The following DNAAF1 variants were observed in gnomAD, a reference collection of about 807,000 sequenced individuals.
The protein encoded by DNAAF1 is dynein assembly factor 1, axonemal.
Under a neutral mutation model 71.1 loss-of-function variants are expected in DNAAF1, and 65 were observed. The ratio of observed to expected loss-of-function variants is 0.91; its 90% CI spans 0.75 to 1.12. The LOEUF is 1.12. DNAAF1 is among the 50% of genes most tolerant of loss of function. DNAAF1 has a pLI of 0.00. For missense variants in DNAAF1, 1,178 were observed against 899.8 expected (o/e 1.31, Z -3.96); for synonymous variants, 414 against 354.6 (o/e 1.17, Z -1.88).
rs2087424052 is a variant in DNAAF1, at chr16:84,156,288, AC to A, written c.741+541del. ...ACCACTCAATTAATTTTTCAAGGAA[AC>A]CAGGTCCTCTGTCTGGTGTTACCCA... On this transcript the variant is annotated intron_variant, in intron 5 of 11. Transcript: ENST00000378553. 3.3e-5 allele frequency among the ~76,000 whole-genome samples: 5 copies of A among 152,312 alleles called. No homozygotes were observed. In the South Asian group the frequency reaches 1.0e-3, roughly 32 times the overall value.
chr16:84,154,834 A>T (rs1384229559), intron 4 of DNAAF1, 36 bp downstream of exon 4: 2 of 1,504,412 alleles, frequency 1.3e-6, no homozygotes, highest in East Asian at 4.5e-5. Flanking sequence ...TCTGTTTGCC[A>T]TATGTCCATC....
intron 9 of DNAAF1, 191 bp downstream of exon 9, chr16:84,172,566 A>C: frequency 7.0e-7 from 1 of 1,420,172 alleles, no homozygotes; most frequent in Non-Finnish European, 9.2e-7. Context: ...TTAGAATCCA[A>C]CTTTCATGCA....
chr16:84,165,638 A>C, intron 6 of DNAAF1, 145 bp from the exon 7 acceptor site: 1 of 806,890 alleles, frequency 1.2e-6, no homozygotes, highest in South Asian at 1.5e-5. Flanking sequence ...CTTAAATAAT[A>C]AAATTTACAT....
chr16:84,169,899 C>A lies in DNAAF1; in HGVS notation c.1071C>A (p.Ala357=). Reference sequence around the variant, plus strand: ...CAGATGATGGTGAGAATGTGCCCGCCAGTGCGGAAGGCAAGGAGGAGCCTC... The same window carrying A: ...CAGATGATGGTGAGAATGTGCCCGCAAGTGCGGAAGGCAAGGAGGAGCCTC... ...TSSDDGENVP[A]SAEGKEEPPG... Residue 357 remains alanine (A), a synonymous_variant, in exon 8 of 12, where the codon GCC becomes GCA. Coordinates refer to ENST00000378553, the MANE Select transcript of DNAAF1 (RefSeq NM_178452.6). 1 of 1,614,108 alleles carries A rather than the reference C, an allele frequency of 6.2e-7. No individual in the cohort carries two copies. Among genetic ancestry groups the A allele is most frequent in the Non-Finnish European group, 8.5e-7 (1 of 1,180,050 alleles).
chr16:84,175,733 G>A (rs755320590), intron 10 of DNAAF1, 200 bp from the exon 11 acceptor site: 26 of 631,324 alleles, frequency 4.1e-5, no homozygotes, highest in Non-Finnish European at 6.1e-5. Context: ...CAGAGAGAAG[G>A]GCATAGACAT....
chr16:84,172,507 G>A (rs1426028373), intron 9 of DNAAF1, 132 bp downstream of exon 9: 8 of 1,507,560 alleles, frequency 5.3e-6, no homozygotes, highest in Non-Finnish European at 7.1e-6. Flanking sequence ...GCATTTCTGG[G>A]GCGCTGGTTA....
chr16:84,159,510 T>C (rs1006622256), intron 5 of DNAAF1, among the ~76,000 whole-genome samples, 165 bp from the exon 6 acceptor site: 1 of 152,318 alleles, frequency 6.6e-6, no homozygotes, highest in East Asian at 1.9e-4. Flanking sequence ...GTGAGAGCAA[T>C]GGAAACCTTC....
At position 84,145,498 on chromosome 16, in the gene DNAAF1, C is replaced by G; in HGVS notation, c.58C>G (p.Gln20Glu). 1 of 1,567,426 alleles carries G rather than the reference C, an allele frequency of 6.4e-7. No individual in the cohort carries two copies. The highest frequency in any genetic ancestry group is 8.7e-7 in the Non-Finnish European group (1 of 1,155,944). ...TGGTGCAGCAGAGCTGGATTGCGCG[C>G]AGGAGCCCGGCGTGGAGGAGTCTGC... is the stretch of plus-strand genomic sequence containing the variant. ...TGGAAELDCA[Q>E]EPGVEESAGD... Residue 20 changes from glutamine to glutamate, a missense_variant, in exon 1 of 12, where the codon CAG becomes GAG. By Grantham distance (29) the Gln-to-Glu change is conservative (BLOSUM62 2). Transcript: ENST00000378553.
At chr16:84,160,954 G>C (rs926349117) in intron 6 of DNAAF1, among the ~76,000 whole-genome samples, 14 of 147,750 alleles carry the variant, frequency 9.5e-5, no homozygotes, top group Non-Finnish European at 1.7e-4. Flanking sequence ...AAAAAAAAAA[G>C]AAAACCAGAA....
At chr16:84,160,792 G>C (rs567401021) in intron 6 of DNAAF1, among the ~76,000 whole-genome samples, 1 of 151,418 alleles carries the variant, frequency 6.6e-6, no homozygotes, top group Non-Finnish European at 1.5e-5. Flanking sequence ...AAAATTAGCC[G>C]GGCGTGGTGG....
chr16:84,150,087 G>C (rs1375278968), intron 2 of DNAAF1, among the ~76,000 whole-genome samples, 164 bp from the exon 3 acceptor site: 2 of 151,944 alleles, frequency 1.3e-5, no homozygotes, highest in Non-Finnish European at 2.9e-5. Flanking sequence ...AAAAGAAGAA[G>C]AAAAAGGAAA....
At chr16:84,156,885 C>T (rs1302471335) in intron 5 of DNAAF1, among the ~76,000 whole-genome samples, 1 of 118,926 alleles carries the variant, frequency 8.4e-6, no homozygotes, top group Admixed American at 1.0e-4. Flanking sequence ...CAGGGTCTTG[C>T]TCTGTCACCC....
At chr16:84,158,465 T>G (rs1250021406) in intron 5 of DNAAF1, among the ~76,000 whole-genome samples, 3 of 152,204 alleles carry the variant, frequency 2.0e-5, no homozygotes, top group Admixed American at 2.0e-4. Context: ...TCATCGTGGT[T>G]TTAAAAGTCT....
At chr16:84,154,851 C>A in intron 4 of DNAAF1, 53 bp downstream of exon 4, 1 of 1,389,500 alleles carries the variant, frequency 7.2e-7, no homozygotes, top group Non-Finnish European at 1.0e-6. Context: ...CATCACCTTC[C>A]CCTGAGGGAT....
intron 10 of DNAAF1, 174 bp from the exon 11 acceptor site, chr16:84,175,759 A>G: frequency 1.4e-6 from 1 of 738,030 alleles, no homozygotes. Context: ...GTGCCCAGGG[A>G]GTGGCCACCC....
At chr16:84,167,859 T>G (rs2088107492) in intron 7 of DNAAF1, among the ~76,000 whole-genome samples, 1 of 151,514 alleles carries the variant, frequency 6.6e-6, no homozygotes, top group Non-Finnish European at 1.5e-5. Flanking sequence ...CTACTAAAAA[T>G]AGAAAAAATT....
At chr16:84,163,298 G>T (rs1317168309) in intron 6 of DNAAF1, among the ~76,000 whole-genome samples, 2 of 151,698 alleles carry the variant, frequency 1.3e-5, no homozygotes, top group Non-Finnish European at 2.9e-5. Flanking sequence ...ATCCCCATCA[G>T]CAGTGTAGGA....
chr16:84,149,101 C>A lies in DNAAF1; in HGVS notation c.219C>A (p.His73Gln). The A allele has an allele frequency of 6.2e-7, 1 of 1,614,106 alleles. No homozygotes were observed. Among genetic ancestry groups the A allele is most frequent in the Non-Finnish European group, 8.5e-7 (1 of 1,180,038 alleles). The change falls in exon 2 of 12, where the codon CAC becomes CAA. Residue 73 changes from histidine (H) to glutamine (Q), a missense_variant. Physicochemically the swap from His to Gln is conservative, Grantham distance 24. Transcript: ENST00000378553. ...GTGGTGATAATGGGTCAGGTGGTCA[C>A]TTCGCACACCCAAGAGAAGACAGGG... ...KQSGDNGSGG[H>Q]FAHPREDRED...
intron 10 of DNAAF1, chr16:84,175,651 C>T (rs1185852672): frequency 6.4e-6 from 3 of 466,496 alleles, no homozygotes; most frequent in Non-Finnish European, 1.2e-5. Flanking sequence ...CAAGCAGAGC[C>T]CAGGGCTCAG....
Sources: allele counts gnomAD v4.1 joint callset (sites outside exome capture counted in the v4.1 genomes callset), GRCh38; gene constraint gnomAD v4.1.1; transcripts MANE v1.5; gene names NCBI Gene and HGNC (gene_info 2026-07-23, HGNC 2026-07-21).